SH3RF2: variants seen among roughly 807,000 people sequenced by gnomAD.
SH3RF2 encodes the protein SH3 domain containing ring finger 2, also known as E3 ubiquitin-protein ligase SH3RF2.
A neutral mutation model predicts 59.0 loss-of-function variants in SH3RF2; 43 were observed. That is an observed-to-expected ratio of 0.73 (90% CI 0.57 to 0.94). The LOEUF (loss-of-function observed/expected upper bound fraction) is 0.94, where lower values mean the gene tolerates loss of function less well. SH3RF2 is among the 40% of genes least tolerant of loss of function. The probability of loss-of-function intolerance (pLI) is 0.00; values close to 1 mark genes in which losing one functional copy is unlikely to be tolerated. For missense variants in SH3RF2, 930 were observed against 940.1 expected, an observed-to-expected ratio of 0.99 and a Z score of 0.14; for synonymous variants, 391 against 391.5, an observed-to-expected ratio of 1.00 and a Z score of 0.01.
At chr5:146,036,643 C>T (rs535085559) in intron 5 of SH3RF2, among the ~76,000 whole-genome samples, 7 of 152,218 alleles carry the variant, frequency 4.6e-5, no homozygotes, top group Admixed American at 2.6e-4. Flanking sequence ...TGCAGTGAGC[C>T]GAGATCACGT....
intron 6 of SH3RF2, 59 bp from the exon 7 acceptor site, chr5:146,049,016 C>T: frequency 3.8e-6 from 6 of 1,594,496 alleles, no homozygotes; most frequent in Middle Eastern, 3.3e-4. Context: ...TCCCCCACTC[C>T]ATGCCCCCCA....
At chr5:146,039,154 T>C (rs1391152703) in intron 5 of SH3RF2, among the ~76,000 whole-genome samples, 1 of 152,158 alleles carries the variant, frequency 6.6e-6, no homozygotes, top group Admixed American at 6.5e-5. Flanking sequence ...TCCAGGTGGA[T>C]TAAAGACTTA....
intron 5 of SH3RF2, among the ~76,000 whole-genome samples, chr5:146,028,179 C>T (rs1460250217): frequency 4.4e-3 from 343 of 77,264 alleles, no homozygotes; most frequent in African/African-American, 9.8e-3. Flanking sequence ...CACACACACA[C>T]ACACACACAC....
intron 7 of SH3RF2, chr5:146,055,776 C>T: frequency 1.6e-6 from 1 of 606,816 alleles, no homozygotes; most frequent in Non-Finnish European, 2.9e-6. Flanking sequence ...CTCAGCACAC[C>T]CTCACAGTTA....
At chr5:145,998,965 G>T (rs1216109759) in intron 2 of SH3RF2, among the ~76,000 whole-genome samples, 1 of 152,030 alleles carries the variant, frequency 6.6e-6, no homozygotes, top group Admixed American at 6.5e-5. Flanking sequence ...TCTATTAAGT[G>T]TGCAATAGCA....
intron 9 of SH3RF2, among the ~76,000 whole-genome samples, chr5:146,073,333 T>C (rs1425538670): frequency 6.6e-6 from 1 of 152,260 alleles, no homozygotes; most frequent in African/African-American, 2.4e-5. Flanking sequence ...GCAAGCACAT[T>C]AGTGTTGCCC....
In SH3RF2 at chr5:146,060,124, A is replaced by G; in HGVS notation, c.1814A>G (p.Lys605Arg). Residue 605 changes from lysine to arginine, a missense_variant, in exon 9 of 10, where the codon AAA becomes AGA. Coordinates refer to ENST00000359120, the MANE Select transcript of SH3RF2 (RefSeq NM_152550.4). ...SAASSLIMED[K>R]EIPIKSEPLP... Reference sequence around the variant, plus strand: ...GCCAGCTCCCTCATTATGGAAGACAAAGAAATCCCCATCAAGAGTGAGCCT... The same window carrying G: ...GCCAGCTCCCTCATTATGGAAGACAGAGAAATCCCCATCAAGAGTGAGCCT... The G allele has an allele frequency of 6.2e-7, 1 of 1,614,112 alleles. No individual in the cohort carries two copies. The highest frequency in any genetic ancestry group is 1.1e-5 in the South Asian group (1 of 91,068).
chr5:146,047,154 C>CGTGTGTGT (rs35750777), intron 5 of SH3RF2, among the ~76,000 whole-genome samples: 13 of 148,226 alleles, frequency 8.8e-5, no homozygotes, highest in African/African-American at 2.2e-4. Context: ...ATTGGATAGG[C>CGTGTGTGT]GTGTGTGTGT....
intron 2 of SH3RF2, among the ~76,000 whole-genome samples, chr5:145,972,952 G>A (rs1410972536): frequency 6.6e-6 from 1 of 152,140 alleles, no homozygotes; most frequent in Non-Finnish European, 1.5e-5. Flanking sequence ...AAGAACCAAG[G>A]TATGAACCTT....
At chr5:146,064,256 G>A (rs560653644), downstream of SH3RF2, among the ~76,000 whole-genome samples, 35 of 152,098 alleles carry the variant, frequency 2.3e-4, no homozygotes, top group South Asian at 5.0e-3. Context: ...CAAGGGGTGG[G>A]GCAACCTTAC....
At chr5:145,956,248 CAGAA>C (rs1758400189) in intron 2 of SH3RF2, among the ~76,000 whole-genome samples, 1 of 152,088 alleles carries the variant, frequency 6.6e-6, no homozygotes, top group African/African-American at 2.4e-5. Flanking sequence ...ACAGGATTGA[CAGAA>C]AGCATTCTTT....
intron 2 of SH3RF2, among the ~76,000 whole-genome samples, chr5:145,948,115 C>T (rs922256617): frequency 2.6e-5 from 4 of 152,120 alleles, no homozygotes; most frequent in Non-Finnish European, 5.9e-5. Context: ...CTGGGCTCTA[C>T]CTACAGAATC....
At chr5:146,077,559 C>T (rs1763361587) in intron 9 of SH3RF2, among the ~76,000 whole-genome samples, 1 of 152,108 alleles carries the variant, frequency 6.6e-6, no homozygotes, top group Non-Finnish European at 1.5e-5. Context: ...ACTAAATGCT[C>T]ACTTATCCCT....
rs572304222 is a variant in SH3RF2 at position 146,040,339 on chromosome 5, T to C, written c.1060-7433T>C. Among the ~76,000 whole-genome samples, 37 of 152,324 alleles carry C rather than the reference T, an allele frequency of 2.4e-4. No homozygotes were observed. The East Asian group carries it at 6.9e-3, about 29-fold the overall frequency. ...CTTATCCGTATGCAAAATATATTTATAATTTTACATTTTAATAACAAAGGG... is the reference window on the plus strand; with the variant it reads ...CTTATCCGTATGCAAAATATATTTACAATTTTACATTTTAATAACAAAGGG... On this transcript the variant is annotated intron_variant, in intron 5 of 9. Coordinates refer to ENST00000359120, the MANE Select transcript of SH3RF2 (RefSeq NM_152550.4).
intron 2 of SH3RF2, among the ~76,000 whole-genome samples, chr5:145,951,184 C>T (rs1377923097): frequency 6.6e-6 from 1 of 152,154 alleles, no homozygotes; most frequent in Non-Finnish European, 1.5e-5. Context: ...CCCGCAAAAG[C>T]TTATTTAATC....
chr5:146,060,625 G>A (rs1363096501), intron 9 of SH3RF2, among the ~76,000 whole-genome samples: 2 of 152,298 alleles, frequency 1.3e-5, no homozygotes, highest in East Asian at 1.9e-4. Flanking sequence ...TAAAATGGAG[G>A]TAGAAAGAGT....
intron 5 of SH3RF2, among the ~76,000 whole-genome samples, chr5:146,032,583 G>A (rs1036497359): frequency 5.9e-5 from 9 of 152,184 alleles, no homozygotes; most frequent in Non-Finnish European, 1.3e-4. Context: ...AGTGACCGAG[G>A]GGTGAGGTGA....
At chr5:145,942,321 C>G (rs1363076296) in intron 2 of SH3RF2, among the ~76,000 whole-genome samples, 13 of 152,200 alleles carry the variant, frequency 8.5e-5, no homozygotes, top group Non-Finnish European at 4.4e-5. Context: ...GATGGACTTT[C>G]TCCCTACCTT....
chr5:146,049,126 G>A lies in SH3RF2; in HGVS notation c.1203G>A (p.Leu401=), dbSNP rs777708342. 1.1e-5 allele frequency: 17 copies of A among 1,614,120 alleles called. No homozygotes were observed. In the South Asian group the frequency reaches 1.9e-4, roughly 18 times the overall value. The part of the protein sequence containing the change: ...YSAHGPDELD[L]QKGEGVRVLG... ...CCCATGGACCCGATGAGCTGGACCT[G>A]CAAAAGGGAGAAGGCGTCAGGGTCC... Residue 401 remains leucine, a synonymous_variant, in exon 7 of 10, where the codon CTG becomes CTA. Coordinates refer to ENST00000359120, the MANE Select transcript of SH3RF2 (RefSeq NM_152550.4).
Sources: gnomAD v4.1 joint callset for allele counts (sites outside exome capture counted in the v4.1 genomes callset) on GRCh38, gnomAD v4.1.1 for gene constraint, MANE v1.5 for transcripts, NCBI Gene and HGNC (gene_info 2026-07-23, HGNC 2026-07-21) for gene names.